Variants in MAOB observed in about 807,000 individuals in gnomAD.
The protein encoded by MAOB is amine oxidase [flavin-containing] B.
A neutral mutation model predicts 41.9 loss-of-function variants in MAOB; 15 were observed. That is an observed-to-expected ratio of 0.36 (90% CI 0.24 to 0.55). The LOEUF (loss-of-function observed/expected upper bound fraction) is 0.55, where lower values mean the gene tolerates loss of function less well. Among genes scored for constraint, MAOB ranks in the 20% least tolerant of loss-of-function variants. MAOB has a pLI of 0.86. For synonymous variants in MAOB, 167 were observed against 144.2 expected (o/e 1.16, Z -1.13); for missense variants, 345 against 398.7 (o/e 0.87, Z 1.15).
chrX:43,859,359 G>A (rs1276092398), intron 1 of MAOB, among the ~76,000 whole-genome samples: 4 of 111,772 alleles, frequency 3.6e-5, no homozygotes, highest in African/African-American at 9.8e-5. Flanking sequence ...TAAGGCCACC[G>A]TATTTGACAG....
chrX:43,774,724 C>T (rs1439040471), intron 12 of MAOB, among the ~76,000 whole-genome samples: 2 of 111,651 alleles, frequency 1.8e-5, no homozygotes, highest in Non-Finnish European at 3.8e-5. Context: ...TTTACTGAGT[C>T]CTAACTCAGT....
At chrX:43,793,980 G>C in intron 7 of MAOB, among the ~76,000 whole-genome samples, 1 of 111,839 alleles carries the variant, frequency 8.9e-6, no homozygotes. Context: ...AGGTTCAAGC[G>C]ATTCTCCTGC....
chrX:43,809,154 T>G (rs1321475189), intron 3 of MAOB, among the ~76,000 whole-genome samples: 1 of 111,604 alleles, frequency 9.0e-6, no homozygotes, highest in African/African-American at 3.3e-5. Context: ...ATTTGACAGA[T>G]CCCATCTGAA....
chrX:43,811,371 C>T (rs780326910), intron 3 of MAOB, among the ~76,000 whole-genome samples: 1 of 111,098 alleles, frequency 9.0e-6, no homozygotes, highest in East Asian at 2.9e-4. Context: ...GAGGAGTGAC[C>T]TTTTTCTCTC....
chrX:43,830,353 C>T (rs886965259), intron 3 of MAOB, among the ~76,000 whole-genome samples: 3 of 111,432 alleles, frequency 2.7e-5, no homozygotes, highest in African/African-American at 6.5e-5. Context: ...CAGTTAGGGA[C>T]CCAGAGGAAA....
At position 43,767,258 on chromosome X, in the gene MAOB, A is replaced by G. The variant is rs1323099036; in HGVS notation, c.*208T>C. 8.3e-6 allele frequency: 3 copies of G among 362,685 alleles called. No individual in the cohort carries two copies. Among genetic ancestry groups the G allele is most frequent in the Non-Finnish European group, 1.4e-5 (3 of 213,515 alleles). The allele number at this position is 362,685 out of a possible 1,213,427, so 29.9% of individuals were successfully genotyped here. On this transcript the variant is annotated 3_prime_UTR_variant, in exon 15 of 15. Transcript: ENST00000378069. ...CAATAAACTTGGAAACTGGTGAAAC[A>G]GAACGCTAAGCCAGGTAAGGGACAC...
intron 6 of MAOB, 67 bp downstream of exon 6, chrX:43,797,058 A>T: frequency 9.3e-7 from 1 of 1,070,677 alleles, no homozygotes. Context: ...TCATGATTGA[A>T]GGATGATGAT....
At chrX:43,800,927 C>A (rs1185898886) in intron 5 of MAOB, among the ~76,000 whole-genome samples, 1 of 110,704 alleles carries the variant, frequency 9.0e-6, no homozygotes, top group African/African-American at 3.3e-5. Context: ...CTATTTTTTC[C>A]AGTCATTAAA....
At chrX:43,831,562 G>A (rs1172931787) in intron 3 of MAOB, among the ~76,000 whole-genome samples, 1 of 110,203 alleles carries the variant, frequency 9.1e-6, no homozygotes, top group Admixed American at 9.7e-5. Context: ...GACTGAGAGA[G>A]GGAGGAAGGA....
intron 3 of MAOB, among the ~76,000 whole-genome samples, chrX:43,831,000 T>A (rs1025428388): frequency 0.019 from 1,764 of 90,670 alleles, 33 homozygotes; most frequent in African/African-American, 0.077. Context: ...ATTAAGTGTG[T>A]GTGTGTGTGT....
Position 43,780,357 on chromosome X carries a change from A to T in MAOB, c.1064T>A (p.Leu355His). ...LAHKARKLARLTKEERLKKLC... is the reference protein window; with the variant it reads ...LAHKARKLARHTKEERLKKLC... Reference sequence around the variant, plus strand: ...CTTTTGTTACCTTTCCTCTTTGGTAAGACGTGCCAGTTTTCTGGCTTTGTG... The same window carrying T: ...CTTTTGTTACCTTTCCTCTTTGGTATGACGTGCCAGTTTTCTGGCTTTGTG... Residue 355 changes from leucine to histidine, a missense_variant, in exon 10 of 15, where the codon CTT (leucine) becomes CAT (histidine). Transcript: ENST00000378069. 2.5e-6 allele frequency: 3 copies of T among 1,205,807 alleles called. No homozygotes were observed. The highest frequency in any genetic ancestry group is 3.4e-6 in the Non-Finnish European group (3 of 891,046).
chrX:43,817,401 C>G, intron 3 of MAOB, among the ~76,000 whole-genome samples: 1 of 111,052 alleles, frequency 9.0e-6, no homozygotes, highest in Non-Finnish European at 1.9e-5. Context: ...TATCTAGAAT[C>G]CAATCACTTC....
chrX:43,842,850 C>T (rs1383079809), intron 2 of MAOB, among the ~76,000 whole-genome samples: 3 of 111,209 alleles, frequency 2.7e-5, no homozygotes, highest in African/African-American at 9.8e-5. Flanking sequence ...ATCTAAAACA[C>T]GTTGAATTCA....
intron 3 of MAOB, among the ~76,000 whole-genome samples, chrX:43,817,932 G>A (rs2034838894): frequency 3.6e-5 from 4 of 112,295 alleles, no homozygotes; most frequent in Admixed American, 9.5e-5. Flanking sequence ...ACGCTGGAAT[G>A]TAATCCCCAC....
In MAOB at chrX:43,775,276, C is replaced by A. The variant is rs777785247; in HGVS notation, c.1138-4G>T. ...TCTTTTCTTCATAATGCACTGGCTG[C>A]AAGATAGAGCAACAAAAACTTGAAG... On this transcript the variant is annotated splice_polypyrimidine_tract_variant and splice_region_variant and intron_variant, in intron 11 of 14. Transcript: ENST00000378069. 8 of 1,198,121 alleles carry A rather than the reference C, an allele frequency of 6.7e-6. No homozygotes were observed. The African/African-American group carries it at 1.4e-4, about 21-fold the overall frequency.
chrX:43,798,154 G>C (rs1242538933), intron 5 of MAOB, among the ~76,000 whole-genome samples: 1 of 111,640 alleles, frequency 9.0e-6, no homozygotes, highest in Admixed American at 9.5e-5. Context: ...AAATTGTCTT[G>C]ATTATTGGTT....
intron 3 of MAOB, among the ~76,000 whole-genome samples, chrX:43,812,876 T>TG (rs1300849911): frequency 9.0e-6 from 1 of 111,650 alleles, no homozygotes; most frequent in Non-Finnish European, 1.9e-5. Context: ...TAGAAAGAAA[T>TG]GGGGAAGATG....
intron 11 of MAOB, 103 bp from the exon 12 acceptor site, chrX:43,775,375 AT>A: frequency 9.1e-7 from 1 of 1,097,009 alleles, no homozygotes; most frequent in Middle Eastern, 2.5e-4. Flanking sequence ...AAACCAATGT[AT>A]TTCGGAAATA....
chrX:43,841,323 G>T (rs936879084), intron 2 of MAOB, among the ~76,000 whole-genome samples: 20 of 110,849 alleles, frequency 1.8e-4, no homozygotes, highest in Admixed American at 1.3e-3. Context: ...TTAAAATAAG[G>T]GTATTTATAA....
Sources: gnomAD v4.1 joint callset for allele counts (sites outside exome capture counted in the v4.1 genomes callset) on GRCh38, gnomAD v4.1.1 for gene constraint, MANE v1.5 for transcripts, NCBI Gene and HGNC (gene_info 2026-07-23, HGNC 2026-07-21) for gene names.